Variants in HDGF observed in about 807,000 individuals in gnomAD.
HDGF encodes the protein heparin binding growth factor, also known as hepatoma-derived growth factor.
HDGF carries 5 observed loss-of-function variants against 30.0 expected under a neutral mutation model. The ratio of observed to expected loss-of-function variants is 0.17; its 90% CI spans 0.09 to 0.35. The LOEUF (loss-of-function observed/expected upper bound fraction) is 0.35, where lower values mean the gene tolerates loss of function less well. Among genes scored for constraint, HDGF ranks in the 10% least tolerant of loss-of-function variants. The pLI is 1.00. For missense variants in HDGF, 214 were observed against 302.8 expected (o/e 0.71, Z 2.18); for synonymous variants, 133 against 112.7 (o/e 1.18, Z -1.14).
chr1:156,743,176 G>A lies in HDGF; in HGVS notation c.*273C>T, dbSNP rs781196137. On this transcript the variant is annotated 3_prime_UTR_variant, in exon 6 of 6. Transcript: ENST00000357325. The stretch of plus-strand genomic sequence containing the variant: ...AGAAGCCTGGAAAATAGCTCCAAGC[G>A]GAAGGAACACAGTGGCCTCAACTCA... 1.8e-5 allele frequency: 7 copies of A among 390,892 alleles called. No individual in the cohort carries two copies. The highest frequency in any genetic ancestry group is 2.7e-5 in the Non-Finnish European group (6 of 218,862). 24.2% of individuals were successfully genotyped at this position (390,892 alleles called of 1,614,324 possible).
chr1:156,749,175 C>A (rs1319502234), intron 1 of HDGF, among the ~76,000 whole-genome samples: 4 of 152,194 alleles, frequency 2.6e-5, no homozygotes, highest in Non-Finnish European at 5.9e-5. Flanking sequence ...CTTCTAGTTT[C>A]ACCCAGAATC....
upstream of HDGF, among the ~76,000 whole-genome samples, chr1:156,753,033 C>T (rs897689006): frequency 1.5e-4 from 23 of 152,194 alleles, no homozygotes; most frequent in Non-Finnish European, 3.2e-4. Flanking sequence ...TCAGTTTCCT[C>T]TGCTGTAAGA....
rs1306593476 is a variant in HDGF at position 156,751,665 on chromosome 1, G to A, written c.-236C>T. ...GCGGTGGGTGCGCGCTCGTGCAGTTGTTTGTGTTTGAAATTCAATTGCTCC... is the reference window on the plus strand; with the variant it reads ...GCGGTGGGTGCGCGCTCGTGCAGTTATTTGTGTTTGAAATTCAATTGCTCC... On this transcript the variant is annotated 5_prime_UTR_variant, in exon 1 of 6. Coordinates refer to ENST00000357325, the MANE Select transcript of HDGF (RefSeq NM_004494.3). This position sits in a 1 kb window ranked among gnomAD's most constrained non-coding sequence, Gnocchi z 4.7. 2.7e-5 allele frequency: 29 copies of A among 1,064,106 alleles called. No homozygotes were observed. The highest frequency in any genetic ancestry group is 3.2e-5 in the Non-Finnish European group (28 of 882,110). 65.9% of individuals were successfully genotyped at this position (1,064,106 alleles called of 1,614,324 possible).
chr1:156,762,404 T>C (rs995071907), intron 1 of HDGF, among the ~76,000 whole-genome samples: 2 of 152,014 alleles, frequency 1.3e-5, no homozygotes, highest in Non-Finnish European at 2.9e-5. Flanking sequence ...TTGTCTCTAC[T>C]AAAAATAAAA....
chr1:156,749,418 C>T (rs1650816862), intron 1 of HDGF, among the ~76,000 whole-genome samples: 1 of 152,316 alleles, frequency 6.6e-6, no homozygotes, highest in East Asian at 1.9e-4. Flanking sequence ...GGGACTGTGT[C>T]TGGGAGGTAA....
upstream of HDGF, chr1:156,752,014 C>A: frequency 1.3e-6 from 2 of 1,548,032 alleles, no homozygotes; most frequent in Non-Finnish European, 1.7e-6. Context: ...CCCCGCCCTT[C>A]CCCCGACTCC....
rs550444571 is a variant in HDGF, at chr1:156,742,931, A to G, written c.*518T>C. 6.5e-6 allele frequency: 1 copy of G among 154,842 alleles called. No individual in the cohort carries two copies. Among genetic ancestry groups the G allele is most frequent in the Admixed American group, 6.5e-5 (1 of 15,314 alleles). 9.6% of individuals were successfully genotyped at this position (154,842 alleles called of 1,614,324 possible). On this transcript the variant is annotated 3_prime_UTR_variant, in exon 6 of 6. Coordinates refer to ENST00000357325, the MANE Select transcript of HDGF (RefSeq NM_004494.3). ...TCCCTGAATCTAGGCAGCTGGGATAATAGGTGTAGCAGGGGACAGGAGCTC... is the reference window on the plus strand; with the variant it reads ...TCCCTGAATCTAGGCAGCTGGGATAGTAGGTGTAGCAGGGGACAGGAGCTC...
chr1:156,749,382 C>T (rs1157688306), intron 1 of HDGF, among the ~76,000 whole-genome samples: 2 of 152,320 alleles, frequency 1.3e-5, no homozygotes, highest in African/African-American at 2.4e-5. Flanking sequence ...TGAGGAGACT[C>T]GAGGTCTGTT....
chr1:156,751,780 C>A, upstream of HDGF: 1 of 1,183,520 alleles, frequency 8.4e-7, no homozygotes, highest in Non-Finnish European at 1.1e-6. This position sits in a 1 kb window ranked among gnomAD's most constrained non-coding sequence, Gnocchi z 4.7. Flanking sequence ...CTCCTCCCCC[C>A]GCCCCCCAAC....
chr1:156,764,280 G>C lies in HDGF; in HGVS notation n.136+2510C>G, dbSNP rs552935013. On this transcript the variant is annotated intron_variant and non_coding_transcript_variant, in intron 1 of 7. Coordinates refer to the HDGF transcript ENST00000465180. Reference sequence around the variant, plus strand: ...TTTTGCTCTTGTCACCCAGGCTGGAGTGCAGTGGCATGATCTCTGCTCACT... The same window carrying C: ...TTTTGCTCTTGTCACCCAGGCTGGACTGCAGTGGCATGATCTCTGCTCACT... Among the ~76,000 whole-genome samples, 343 of 151,692 alleles carry C rather than the reference G, an allele frequency of 2.3e-3. 2 individuals carry two copies. Among genetic ancestry groups the C allele is most frequent in the Non-Finnish European group, 2.8e-3 (193 of 67,950 alleles).
At chr1:156,750,997 C>T (rs1650934525) in intron 1 of HDGF, among the ~76,000 whole-genome samples, 1 of 151,652 alleles carries the variant, frequency 6.6e-6, no homozygotes, top group Non-Finnish European at 1.5e-5. Context: ...CACGACTGGC[C>T]CAAAGCCAGA....
At chr1:156,744,716 G>C in intron 3 of HDGF, 5 of 596,498 alleles carry the variant, frequency 8.4e-6, no homozygotes, top group Non-Finnish European at 1.4e-5. Context: ...AAAGAGTTAA[G>C]GCTGTGTCCT....
At chr1:156,753,939 G>A (rs1252034028), upstream of HDGF, among the ~76,000 whole-genome samples, 3 of 150,250 alleles carry the variant, frequency 2.0e-5, no homozygotes, top group African/African-American at 4.9e-5. Flanking sequence ...TTTTGGAGAC[G>A]GAGTCTCGCT....
chr1:156,758,628 A>G (rs1288311435), intron 2 of HDGF, among the ~76,000 whole-genome samples: 2 of 150,744 alleles, frequency 1.3e-5, no homozygotes, highest in Admixed American at 6.6e-5. Context: ...AATAAAAAAA[A>G]TTAGCCGGGT....
At chr1:156,751,958 TGCCCGCCCGCCCGGGAGGAGCTGGC>T, upstream of HDGF, 1 of 1,341,932 alleles carries the variant, frequency 7.5e-7, no homozygotes, top group South Asian at 1.3e-5. This position sits in a 1 kb window ranked among gnomAD's most constrained non-coding sequence, Gnocchi z 4.7. Context: ...GGTCGGTGGG[TGCCCGCCCGCCCGGGAGGAGCTGGC>T]GCCCGGCTGG....
chr1:156,753,582 C>T (rs1476555960), upstream of HDGF, among the ~76,000 whole-genome samples: 5 of 152,198 alleles, frequency 3.3e-5, no homozygotes, highest in South Asian at 2.1e-4. Flanking sequence ...GACAGAATCT[C>T]GCTCTGTTGC....
chr1:156,762,205 C>A (rs1651261549), intron 1 of HDGF, among the ~76,000 whole-genome samples: 1 of 146,214 alleles, frequency 6.8e-6, no homozygotes, highest in Admixed American at 6.8e-5. Context: ...AAAGGATAAA[C>A]AATAGGAAAA....
intron 1 of HDGF, among the ~76,000 whole-genome samples, chr1:156,749,191 C>T (rs1168227583): frequency 6.6e-6 from 1 of 152,170 alleles, no homozygotes; most frequent in African/African-American, 2.4e-5. Context: ...GAATCACCCA[C>T]CCTCCCCAGC....
chr1:156,762,156 T>A (rs944436033), intron 1 of HDGF, among the ~76,000 whole-genome samples: 10 of 149,030 alleles, frequency 6.7e-5, no homozygotes, highest in African/African-American at 2.5e-4. Flanking sequence ...GAAAAAAAAA[T>A]TATATCAAGA....
Sources: allele counts gnomAD v4.1 joint callset (sites outside exome capture counted in the v4.1 genomes callset), GRCh38; gene constraint gnomAD v4.1.1; non-coding constraint Gnocchi (gnomAD v3.1); transcripts MANE v1.5; gene names NCBI Gene and HGNC (gene_info 2026-07-23, HGNC 2026-07-21).